The following PLBD1 variants were observed in gnomAD, a reference collection of about 807,000 sequenced individuals.
The protein encoded by PLBD1 is phospholipase B domain containing 1, also known as lysosomal leucine aminopeptidase.
PLBD1 carries 60 observed loss-of-function variants against 63.0 expected under a neutral mutation model. That is an observed-to-expected ratio of 0.95 (90% CI 0.77 to 1.18). The LOEUF (loss-of-function observed/expected upper bound fraction) is 1.18. PLBD1 is among the 50% of genes most tolerant of loss of function. The probability of loss-of-function intolerance (pLI) is 0.00; values close to 1 mark genes in which losing one functional copy is unlikely to be tolerated. For missense variants in PLBD1, 598 were observed against 677.9 expected (o/e 0.88, Z 1.31); for synonymous variants, 262 against 248.0 (o/e 1.06, Z -0.53).
At chr12:14,540,108 ATT>A (rs1491228380) in intron 4 of PLBD1, among the ~76,000 whole-genome samples, 119 of 4,904 alleles carry the variant, frequency 0.024, 5 homozygotes, top group South Asian at 0.056. Flanking sequence ...TATAAATATT[ATT>A]TATATATATA....
intron 4 of PLBD1, among the ~76,000 whole-genome samples, chr12:14,537,429 C>T (rs1282670320): frequency 6.6e-6 from 1 of 152,134 alleles, no homozygotes; most frequent in Non-Finnish European, 1.5e-5. Context: ...GTTGTGGCAA[C>T]CAAAAATATC....
At position 14,545,089 on chromosome 12, in the gene PLBD1, C is replaced by CT. The variant is rs555950039; in HGVS notation, c.336-2799dup. 1.2e-4 allele frequency among the ~76,000 whole-genome samples: 19 copies of CT among 152,156 alleles called. No homozygotes were observed. The South Asian group carries it at 3.9e-3, about 32-fold the overall frequency. On this transcript the variant is annotated intron_variant, in intron 2 of 10. Transcript: ENST00000240617. ...TCCTAGGAACCAGGTCTTACAGTGC[C>CT]TTTTTGGGACTTCCATCCTATGGAA... is the stretch of plus-strand genomic sequence containing the variant.
At chr12:14,550,187 C>T (rs1049620286) in intron 2 of PLBD1, among the ~76,000 whole-genome samples, 2 of 152,196 alleles carry the variant, frequency 1.3e-5, no homozygotes, top group Admixed American at 1.3e-4. Flanking sequence ...GTACTCTGTA[C>T]TTATGGCTAA....
intron 6 of PLBD1, among the ~76,000 whole-genome samples, chr12:14,516,550 T>C (rs950294713): frequency 2.0e-5 from 3 of 151,880 alleles, no homozygotes; most frequent in East Asian, 1.9e-4. Context: ...ATAGGAAAAA[T>C]TGGGGAACAT....
At chr12:14,519,698 A>G (rs1945361979) in intron 6 of PLBD1, among the ~76,000 whole-genome samples, 1 of 151,934 alleles carries the variant, frequency 6.6e-6, no homozygotes, top group African/African-American at 2.4e-5. Flanking sequence ...ACACAGTGAG[A>G]GGGTGGCCAT....
At chr12:14,557,835 A>G (rs1350958868) in intron 1 of PLBD1, among the ~76,000 whole-genome samples, 1 of 152,092 alleles carries the variant, frequency 6.6e-6, no homozygotes, top group Admixed American at 6.5e-5. Flanking sequence ...TTAAAATAAA[A>G]GTTAAAAACA....
chr12:14,527,815 A>AC (rs1945427890), intron 6 of PLBD1, among the ~76,000 whole-genome samples: 1 of 10,056 alleles, frequency 9.9e-5, no homozygotes, highest in Admixed American at 1.5e-3. Flanking sequence ...GTATGAAATG[A>AC]CAAAAAAAAA....
intron 6 of PLBD1, among the ~76,000 whole-genome samples, chr12:14,529,197 AAAATAAAT>A (rs546031480): frequency 1.5e-4 from 23 of 151,968 alleles, no homozygotes; most frequent in African/African-American, 5.1e-4. Context: ...CCTGTCTTTA[AAAATAAAT>A]AAATAAATAA....
intron 6 of PLBD1, among the ~76,000 whole-genome samples, chr12:14,514,067 C>T (rs960427509): frequency 3.3e-5 from 5 of 152,200 alleles, no homozygotes; most frequent in East Asian, 3.9e-4. Flanking sequence ...GCGTGAGCCA[C>T]CGTGCCCGGC....
chr12:14,547,999 T>C (rs949710097), intron 2 of PLBD1, among the ~76,000 whole-genome samples: 19 of 152,188 alleles, frequency 1.2e-4, no homozygotes, highest in Non-Finnish European at 8.8e-5. Context: ...ATTATAATGA[T>C]ACATACCTCA....
chr12:14,517,042 C>CA (rs1047832826), intron 6 of PLBD1, among the ~76,000 whole-genome samples: 198 of 150,728 alleles, frequency 1.3e-3, no homozygotes, highest in Middle Eastern at 3.4e-3. Context: ...CCATCTCAAA[C>CA]AAAAAAAAAG....
Position 14,506,965 on chromosome 12 carries a change from G to GT in PLBD1, c.1339dup (p.Thr447AsnfsTer14), listed in dbSNP as rs781292293. 3 of 1,614,020 alleles carry GT rather than the reference G, an allele frequency of 1.9e-6. No homozygotes were observed. Among genetic ancestry groups the GT allele is most frequent in the South Asian group, 1.1e-5 (1 of 91,056 alleles). ...TCGCATGATATATTTCATGGATGCC[G>GT]TATCAGTCACTTTCCCTTGGTCACG... On this transcript the variant is annotated frameshift_variant, in exon 9 of 11. Transcript: ENST00000240617. LOFTEE classifies it high-confidence loss of function.
chr12:14,546,286 C>G (rs1017488934), intron 2 of PLBD1, among the ~76,000 whole-genome samples: 1 of 151,032 alleles, frequency 6.6e-6, no homozygotes, highest in Non-Finnish European at 1.5e-5. Flanking sequence ...ACACCGCACT[C>G]CAGCCTGAGC....
At chr12:14,506,844 G>C in intron 9 of PLBD1, 89 bp downstream of exon 9, 1 of 1,174,276 alleles carries the variant, frequency 8.5e-7, no homozygotes, top group Non-Finnish European at 1.2e-6. Flanking sequence ...ATTCCTTCTA[G>C]TACAGAGATG....
chr12:14,516,150 G>A (rs887173012), intron 6 of PLBD1, among the ~76,000 whole-genome samples: 2 of 151,840 alleles, frequency 1.3e-5, no homozygotes. Context: ...CCAACATGGT[G>A]AAACCCCGTC....
chr12:14,510,396 G>GAAAAAT (rs894056647), intron 8 of PLBD1, among the ~76,000 whole-genome samples: 9 of 152,186 alleles, frequency 5.9e-5, no homozygotes, highest in African/African-American at 2.2e-4. Flanking sequence ...TCCATCTGAA[G>GAAAAAT]AAAAATAAAA....
chr12:14,541,107 T>C (rs951135974), intron 3 of PLBD1, among the ~76,000 whole-genome samples: 1 of 152,220 alleles, frequency 6.6e-6, no homozygotes, highest in Admixed American at 6.5e-5. Flanking sequence ...GATTCTTCTT[T>C]CACAGCTTCT....
At chr12:14,549,958 G>A (rs556573151) in intron 2 of PLBD1, among the ~76,000 whole-genome samples, 3 of 152,228 alleles carry the variant, frequency 2.0e-5, no homozygotes, top group East Asian at 1.9e-4. Flanking sequence ...GTGAGACACC[G>A]TGCCCAGCCA....
At chr12:14,525,547 A>G (rs752897905) in intron 6 of PLBD1, among the ~76,000 whole-genome samples, 12 of 152,118 alleles carry the variant, frequency 7.9e-5, no homozygotes, top group Non-Finnish European at 1.8e-4. Context: ...TGCAGTTCCT[A>G]CCAGCACAAC....
Sources: allele counts gnomAD v4.1 joint callset (sites outside exome capture counted in the v4.1 genomes callset), GRCh38; gene constraint gnomAD v4.1.1; transcripts MANE v1.5; gene names NCBI Gene and HGNC (gene_info 2026-07-23, HGNC 2026-07-21).